Variants in CRB1 observed in about 807,000 individuals in gnomAD.
CRB1 encodes crumbs cell polarity complex component 1.
CRB1 carries 83 observed loss-of-function variants against 120.0 expected under a neutral mutation model. That is an observed-to-expected ratio of 0.69 (90% CI 0.58 to 0.83). The LOEUF is 0.83. Among genes scored for constraint, CRB1 ranks in the 40% least tolerant of loss-of-function variants. The probability of loss-of-function intolerance (pLI) is 0.00; values close to 1 mark genes in which losing one functional copy is unlikely to be tolerated. For synonymous variants in CRB1, 625 were observed against 612.5 expected (o/e 1.02, Z -0.30); for missense variants, 1,699 against 1,687.6 (o/e 1.01, Z -0.12).
chr1:197,454,120 C>G (rs1232362093), intron 11 of CRB1, among the ~76,000 whole-genome samples: 1 of 150,942 alleles, frequency 6.6e-6, no homozygotes, highest in Non-Finnish European at 1.5e-5. Flanking sequence ...GCCACTCTAC[C>G]CAGTGGTATA....
chr1:197,342,757 G>A (rs1294673242), intron 2 of CRB1, among the ~76,000 whole-genome samples: 1 of 152,070 alleles, frequency 6.6e-6, no homozygotes. Context: ...ATTAAGGGTG[G>A]AATGCAGGAA....
Position 197,344,295 on chromosome 1 carries a change from T to C in CRB1, c.667T>C (p.Leu223=). 1 of 1,614,200 alleles carries C rather than the reference T, an allele frequency of 6.2e-7. No homozygotes were observed. The highest frequency in any genetic ancestry group is 8.5e-7 in the Non-Finnish European group (1 of 1,180,024). ...PHNYSGVNCE[L]EIDECWSQPC... Reference sequence around the variant, plus strand: ...TTTTTTAAAAGGTGTAAACTGTGAATTGGAAATTGACGAATGTTGGTCCCA... The same window carrying C: ...TTTTTTAAAAGGTGTAAACTGTGAACTGGAAATTGACGAATGTTGGTCCCA... The change falls in exon 3 of 12, where the codon TTG becomes CTG. Residue 223 remains leucine, a synonymous_variant. Transcript: ENST00000367400.
the CRB1 span, among the ~76,000 whole-genome samples, chr1:197,226,832 G>A: frequency 2.2e-4 from 33 of 152,224 alleles, no homozygotes; most frequent in African/African-American, 7.9e-4. Context: ...ATGGCAGGAG[G>A]TGAAAGGCAC....
At chr1:197,450,842 C>T (rs1255131340) in intron 11 of CRB1, among the ~76,000 whole-genome samples, 17 of 144,190 alleles carry the variant, frequency 1.2e-4, no homozygotes, top group Non-Finnish European at 2.1e-4. Context: ...CGCCTGTAGT[C>T]CCAGCTACTT....
chr1:197,288,922 A>C (rs541798016), intron 1 of CRB1, among the ~76,000 whole-genome samples: 1 of 151,834 alleles, frequency 6.6e-6, no homozygotes, highest in African/African-American at 2.4e-5. Flanking sequence ...GTTTTGAAGA[A>C]ATAATGCCCA....
Position 197,423,354 on chromosome 1 carries a change from C to T in CRB1, c.2128+1398C>T, listed in dbSNP as rs148926328. On this transcript the variant is annotated intron_variant, in intron 6 of 11. Transcript: ENST00000367400. ...CAAGTTCCTGAATTGGTTACCCTTC[C>T]CCCACTTCTCCCAGTTTCCTTATAC... Among the ~76,000 whole-genome samples, 106 of 152,216 alleles carry T rather than the reference C, an allele frequency of 7.0e-4. 1 individual carries two copies. Among genetic ancestry groups the T allele is most frequent in the Admixed American group, 9.8e-4 (15 of 15,290 alleles).
upstream of CRB1, among the ~76,000 whole-genome samples, chr1:197,267,368 G>A (rs115474692): frequency 0.015 from 2,268 of 152,136 alleles, 53 homozygotes; most frequent in African/African-American, 0.047. Context: ...GAATAATATT[G>A]ATAAAAAACA....
chr1:197,314,774 G>A (rs1195531889), intron 1 of CRB1, among the ~76,000 whole-genome samples: 1 of 152,178 alleles, frequency 6.6e-6, no homozygotes, highest in African/African-American at 2.4e-5. Flanking sequence ...TGCTTGAGAT[G>A]TTTAGTGTCA....
the CRB1 span, among the ~76,000 whole-genome samples, chr1:197,231,227 A>C: frequency 6.6e-6 from 1 of 152,208 alleles, no homozygotes; most frequent in Non-Finnish European, 1.5e-5. Context: ...TTCATTTTAA[A>C]GTCATATGTT....
In CRB1 at chr1:197,477,715, G is replaced by A. The variant is rs200670424; in HGVS notation, c.4057G>A (p.Val1353Ile). Residue 1353 changes from valine to isoleucine, a missense_variant, in exon 12 of 12, where the codon GTC (valine) becomes ATC (isoleucine). Coordinates refer to ENST00000367400, the MANE Select transcript of CRB1 (RefSeq NM_201253.3). ...TTTCACCACTATTGGCTCAGTGACT[G>A]TCGCCTTGTTACTGATCCTCTTGCT... ...DIFTTIGSVT[V>I]ALLLILLLAI... 6 of 1,613,860 alleles carry A rather than the reference G, an allele frequency of 3.7e-6. No individual in the cohort carries two copies. The highest frequency in any genetic ancestry group is 5.1e-6 in the Non-Finnish European group (6 of 1,179,874).
intron 11 of CRB1, among the ~76,000 whole-genome samples, chr1:197,449,745 T>G (rs1047838922): frequency 2.6e-5 from 4 of 152,196 alleles, no homozygotes; most frequent in Non-Finnish European, 5.9e-5. Flanking sequence ...CCCTCTGTGG[T>G]GTGTCACAGC....
At chr1:197,417,995 C>T (rs879756518) in intron 5 of CRB1, among the ~76,000 whole-genome samples, 8 of 151,116 alleles carry the variant, frequency 5.3e-5, no homozygotes, top group East Asian at 1.9e-4. Context: ...TTTAAGAGAT[C>T]GTGACACTAC....
rs374802992 is a variant in CRB1, at chr1:197,453,410, AATTT to A, written c.4005+11120_4005+11123del. Among the ~76,000 whole-genome samples the A allele has an allele frequency of 7.2e-4, 106 of 147,518 alleles. No homozygotes were observed. The East Asian group carries it at 0.02, about 27-fold the overall frequency. ...AAATTATATAACATACTTATATACTAATTTAGCATACTTACAAGTATAGTAGTAT... is the reference window on the plus strand; with the variant it reads ...AAATTATATAACATACTTATATACTAAGCATACTTACAAGTATAGTAGTAT... On this transcript the variant is annotated intron_variant, in intron 11 of 11. Transcript: ENST00000367400.
intron 5 of CRB1, among the ~76,000 whole-genome samples, chr1:197,406,063 G>T (rs975012749): frequency 1.3e-5 from 2 of 152,142 alleles, no homozygotes; most frequent in Admixed American, 1.3e-4. Context: ...CCACCACCCC[G>T]TCTGGGAGGT....
At chr1:197,299,784 C>T (rs1656760863) in intron 1 of CRB1, among the ~76,000 whole-genome samples, 1 of 150,250 alleles carries the variant, frequency 6.7e-6, no homozygotes, top group South Asian at 2.1e-4. Flanking sequence ...TACAGACGTG[C>T]CTCATTTTAT....
the CRB1 span, among the ~76,000 whole-genome samples, chr1:197,261,543 T>C: frequency 9.9e-5 from 15 of 152,220 alleles, no homozygotes; most frequent in African/African-American, 3.1e-4. Flanking sequence ...ATAATATTTA[T>C]GTCTCTATTC....
intron 9 of CRB1, 85 bp downstream of exon 9, chr1:197,435,697 A>G (rs1665126478): frequency 8.3e-7 from 1 of 1,212,074 alleles, no homozygotes; most frequent in East Asian, 2.5e-5. Context: ...CTCTCTCCTC[A>G]AGGTATACAT....
chr1:197,288,984 A>C (rs980348555), intron 1 of CRB1, among the ~76,000 whole-genome samples: 15 of 151,568 alleles, frequency 9.9e-5, no homozygotes, highest in African/African-American at 2.7e-4. Context: ...AAAAAAAAAA[A>C]AAACTTGAAT....
intron 11 of CRB1, among the ~76,000 whole-genome samples, chr1:197,464,043 C>G (rs1279314001): frequency 2.0e-5 from 3 of 152,102 alleles, no homozygotes; most frequent in Non-Finnish European, 4.4e-5. Flanking sequence ...AATAAAAATG[C>G]CTTTTAATAT....
Sources: allele counts gnomAD v4.1 joint callset (sites outside exome capture counted in the v4.1 genomes callset), GRCh38; gene constraint gnomAD v4.1.1; transcripts MANE v1.5; gene names NCBI Gene and HGNC (gene_info 2026-07-23, HGNC 2026-07-21).